RPS6KC1: variants seen among roughly 807,000 people sequenced by gnomAD.
RPS6KC1 encodes ribosomal protein S6 kinase C1.
In RPS6KC1, 54 loss-of-function variants were observed where a neutral mutation model predicts 103.8. The observed-to-expected ratio is 0.52, with a 90% CI of 0.42 to 0.65. RPS6KC1 has a LOEUF of 0.65. Among genes scored for constraint, RPS6KC1 ranks in the 30% least tolerant of loss-of-function variants. The pLI is 0.00. For missense variants in RPS6KC1, 1,151 were observed against 1,253.8 expected, an observed-to-expected ratio of 0.92 and a Z score of 1.24; for synonymous variants, 439 against 438.7, an observed-to-expected ratio of 1.00 and a Z score of -0.01.
chr1:213,725,512 T>G, the RPS6KC1 span, among the ~76,000 whole-genome samples: 1 of 152,230 alleles, frequency 6.6e-6, no homozygotes, highest in Non-Finnish European at 1.5e-5. Flanking sequence ...TCTTGGTCAG[T>G]GTCCTGTGGC....
chr1:213,160,994 T>C (rs1014955766), intron 6 of RPS6KC1, among the ~76,000 whole-genome samples: 1 of 151,394 alleles, frequency 6.6e-6, no homozygotes, highest in African/African-American at 2.4e-5. Context: ...ACTTAAAGTA[T>C]AATAAAAAAA....
the RPS6KC1 span, among the ~76,000 whole-genome samples, chr1:213,839,135 C>T: frequency 6.6e-6 from 1 of 152,090 alleles, no homozygotes; most frequent in East Asian, 1.9e-4. Context: ...CTGAGAGGTG[C>T]AAAGAGGACC....
chr1:213,185,470 A>G (rs1023057803), intron 8 of RPS6KC1, among the ~76,000 whole-genome samples: 8 of 152,054 alleles, frequency 5.3e-5, no homozygotes, highest in African/African-American at 1.9e-4. Context: ...AACATGGTGA[A>G]ACCCCATCTC....
At chr1:213,278,359 GC>G (rs1467318711), downstream of RPS6KC1, among the ~76,000 whole-genome samples, 1 of 151,994 alleles carries the variant, frequency 6.6e-6, no homozygotes, top group Non-Finnish European at 1.5e-5. Flanking sequence ...GTGTGTTGTT[GC>G]CCTTATTATG....
chr1:213,854,822 T>C, the RPS6KC1 span, among the ~76,000 whole-genome samples: 1 of 152,194 alleles, frequency 6.6e-6, no homozygotes, highest in Non-Finnish European at 1.5e-5. Context: ...TGAGCCTGGG[T>C]CCAGCCCATG....
chr1:213,213,551 A>T (rs1013065024), intron 8 of RPS6KC1, among the ~76,000 whole-genome samples: 1 of 152,200 alleles, frequency 6.6e-6, no homozygotes, highest in Non-Finnish European at 1.5e-5. Flanking sequence ...GCATTTCTAC[A>T]TAAAGTTTAG....
the RPS6KC1 span, among the ~76,000 whole-genome samples, chr1:213,603,012 C>T: frequency 6.6e-6 from 1 of 152,194 alleles, no homozygotes; most frequent in African/African-American, 2.4e-5. Context: ...GAACTGTGTC[C>T]TGTTGTGTTA....
chr1:213,470,972 A>C, the RPS6KC1 span, among the ~76,000 whole-genome samples: 1 of 152,174 alleles, frequency 6.6e-6, no homozygotes, highest in African/African-American at 2.4e-5. Context: ...CTATTGGTTC[A>C]TACAGAAAAG....
At chr1:213,272,179 A>G (rs2095061536) in intron 14 of RPS6KC1, among the ~76,000 whole-genome samples, 1 of 152,230 alleles carries the variant, frequency 6.6e-6, no homozygotes. Flanking sequence ...CTATCTCAGA[A>G]TCTAGTGCAA....
At chr1:213,518,738 C>G in the RPS6KC1 span, among the ~76,000 whole-genome samples, 1 of 152,128 alleles carries the variant, frequency 6.6e-6, no homozygotes, top group Non-Finnish European at 1.5e-5. Context: ...CTGGAATGAG[C>G]ATATGAAAAA....
intron 6 of RPS6KC1, among the ~76,000 whole-genome samples, chr1:213,137,930 G>A (rs575123444): frequency 6.8e-6 from 1 of 147,026 alleles, no homozygotes; most frequent in South Asian, 2.2e-4. Flanking sequence ...TTGTAGTTTG[G>A]TTGGTTTTTC....
At position 213,055,643 on chromosome 1, in the gene RPS6KC1, TTCTC is replaced by T. The variant is rs377135960; in HGVS notation, c.105+4135_105+4138del. 2.8e-4 allele frequency among the ~76,000 whole-genome samples: 43 copies of T among 152,356 alleles called. No individual in the cohort carries two copies. The South Asian group carries it at 8.7e-3, about 31-fold the overall frequency. On this transcript the variant is annotated intron_variant, in intron 1 of 14. Transcript: ENST00000366960. ...ATCAGGTAGTCTAAGTACTCTTTCT[TTCTC>T]AAAATTGTTCTGGCTATTCTAGATT... is the stretch of plus-strand genomic sequence containing the variant.
At chr1:213,831,810 A>G in the RPS6KC1 span, among the ~76,000 whole-genome samples, 2 of 152,220 alleles carry the variant, frequency 1.3e-5, no homozygotes, top group Non-Finnish European at 2.9e-5. Context: ...ACCAAAGTAG[A>G]TATGCAATAA....
the RPS6KC1 span, among the ~76,000 whole-genome samples, chr1:213,568,523 G>A: frequency 1.3e-5 from 2 of 152,196 alleles, no homozygotes; most frequent in African/African-American, 4.8e-5. Context: ...AGAAGATGGA[G>A]CAGCTTAGCG....
chr1:213,236,971 T>A (rs896733162), intron 10 of RPS6KC1, among the ~76,000 whole-genome samples: 5 of 152,292 alleles, frequency 3.3e-5, no homozygotes, highest in African/African-American at 9.6e-5. Context: ...ATTCACTTTG[T>A]TGCCCAGACC....
the RPS6KC1 span, among the ~76,000 whole-genome samples, chr1:213,850,326 A>G: frequency 6.6e-6 from 1 of 152,250 alleles, no homozygotes; most frequent in African/African-American, 2.4e-5. Context: ...TTCAATTTAT[A>G]TTTTTTGTCT....
chr1:213,577,210 G>A, the RPS6KC1 span, among the ~76,000 whole-genome samples: 5 of 152,260 alleles, frequency 3.3e-5, no homozygotes, highest in Admixed American at 1.3e-4. Flanking sequence ...TTTTATAAAG[G>A]GTAGTTCCCC....
the RPS6KC1 span, among the ~76,000 whole-genome samples, chr1:213,295,310 T>C: frequency 6.6e-6 from 1 of 152,162 alleles, no homozygotes; most frequent in Non-Finnish European, 1.5e-5. Flanking sequence ...AGGAAGTAGA[T>C]AAGGCAACTG....
chr1:213,186,221 C>T (rs2092525334), intron 8 of RPS6KC1, among the ~76,000 whole-genome samples: 2 of 150,194 alleles, frequency 1.3e-5, no homozygotes, highest in Admixed American at 1.3e-4. Context: ...TTTTTTTTCC[C>T]CTTCAAATTG....
Sources: allele counts gnomAD v4.1 joint callset (sites outside exome capture counted in the v4.1 genomes callset), GRCh38; gene constraint gnomAD v4.1.1; transcripts MANE v1.5; gene names NCBI Gene and HGNC (gene_info 2026-07-23, HGNC 2026-07-21).